The following DCTN6 variants were observed in gnomAD, a reference collection of about 807,000 sequenced individuals.
DCTN6 encodes dynactin subunit 6.
A neutral mutation model predicts 25.8 loss-of-function variants in DCTN6; 15 were observed. That is an observed-to-expected ratio of 0.58 (90% CI 0.39 to 0.89). DCTN6 has a LOEUF of 0.89. Among genes scored for constraint, DCTN6 ranks in the 40% least tolerant of loss-of-function variants. The pLI, the probability that DCTN6 is intolerant of heterozygous loss-of-function variation, is 0.00. For synonymous variants in DCTN6, 64 were observed against 78.3 expected (o/e 0.82, Z 0.96); for missense variants, 198 against 237.6 (o/e 0.83, Z 1.09).
At position 30,183,122 on chromosome 8, in the gene DCTN6, C is replaced by T. The variant is rs1455786862; in HGVS notation, c.522C>T (p.Tyr174=). The change falls in exon 7 of 7, where the codon TAC becomes TAT. Residue 174 remains tyrosine (Y), a synonymous_variant. Transcript: ENST00000221114. ...LDFLMKILPN[Y]HHLKKTMKGS... ...TCTTGATGAAAATCTTGCCAAATTA[C>T]CACCACCTAAAGAAGACTATGAAAG... The T allele has an allele frequency of 6.8e-6, 11 of 1,613,882 alleles. No individual in the cohort carries two copies. The highest frequency in any genetic ancestry group is 1.6e-4 in the Middle Eastern group (1 of 6,074).
chr8:30,160,673 T>C, intron 1 of DCTN6, among the ~76,000 whole-genome samples: 1 of 152,236 alleles, frequency 6.6e-6, no homozygotes, highest in African/African-American at 2.4e-5. Flanking sequence ...ATTATTTACA[T>C]AGCATTTACA....
intron 2 of DCTN6, 141 bp from the exon 3 acceptor site, chr8:30,174,944 C>T: frequency 1.4e-6 from 1 of 693,014 alleles, no homozygotes; most frequent in Admixed American, 2.7e-5. Flanking sequence ...GAGATAGTAT[C>T]TGTGAAGTAC....
chr8:30,175,943 A>G (rs137967778), intron 3 of DCTN6, among the ~76,000 whole-genome samples: 88 of 152,338 alleles, frequency 5.8e-4, no homozygotes, highest in African/African-American at 2.0e-3. Context: ...GTGTAAGTCA[A>G]TTAACAGCAA....
intron 2 of DCTN6, among the ~76,000 whole-genome samples, chr8:30,172,537 A>G (rs529885326): frequency 4.0e-4 from 60 of 151,726 alleles, no homozygotes; most frequent in African/African-American, 1.3e-3. Context: ...GGCACCTTCC[A>G]CCTTCCAGGT....
intron 1 of DCTN6, among the ~76,000 whole-genome samples, chr8:30,161,409 C>T (rs377010782): frequency 6.6e-6 from 1 of 152,124 alleles, no homozygotes; most frequent in Admixed American, 6.5e-5. Flanking sequence ...CTCCCTGACC[C>T]CCCCCACCAC....
intron 4 of DCTN6, 53 bp downstream of exon 4, chr8:30,177,267 T>C: frequency 7.0e-7 from 1 of 1,426,108 alleles, no homozygotes; most frequent in Non-Finnish European, 9.8e-7. Context: ...CTTTAGTACC[T>C]AAGTCTTCTC....
chr8:30,182,652 T>G (rs1260986312), intron 6 of DCTN6, among the ~76,000 whole-genome samples: 1 of 150,894 alleles, frequency 6.6e-6, no homozygotes, highest in African/African-American at 2.4e-5. Flanking sequence ...GAAAAGCACC[T>G]GTAATTCCAC....
chr8:30,165,474 T>G (rs908982577), intron 2 of DCTN6, among the ~76,000 whole-genome samples: 3 of 151,856 alleles, frequency 2.0e-5, no homozygotes, highest in South Asian at 2.1e-4. Context: ...CGTCATTTTT[T>G]TTTTCCAAAA....
intron 1 of DCTN6, among the ~76,000 whole-genome samples, chr8:30,158,214 C>A (rs1454465711): frequency 6.6e-6 from 1 of 152,094 alleles, no homozygotes; most frequent in Non-Finnish European, 1.5e-5. Flanking sequence ...CTCAGTTGCC[C>A]AGGACAAGTT....
At chr8:30,182,614 AC>A (rs1202038611) in intron 6 of DCTN6, among the ~76,000 whole-genome samples, 3 of 151,390 alleles carry the variant, frequency 2.0e-5, no homozygotes, top group East Asian at 1.9e-4. Flanking sequence ...AAAAAAAAAA[AC>A]AAGCATGTAA....
intron 2 of DCTN6, among the ~76,000 whole-genome samples, chr8:30,169,027 C>T (rs1257019530): frequency 6.6e-6 from 1 of 152,166 alleles, no homozygotes; most frequent in Non-Finnish European, 1.5e-5. Context: ...GGCGAGAGGC[C>T]GGGACAGAAC....
intron 3 of DCTN6, among the ~76,000 whole-genome samples, chr8:30,176,336 T>C (rs1374138317): frequency 6.6e-6 from 1 of 151,880 alleles, no homozygotes; most frequent in Non-Finnish European, 1.5e-5. Context: ...AAGACCAGCC[T>C]GACCAATATG....
At chr8:30,181,659 G>A (rs148491725) in intron 6 of DCTN6, among the ~76,000 whole-genome samples, 16 of 152,074 alleles carry the variant, frequency 1.1e-4, no homozygotes, top group Admixed American at 8.5e-4. Flanking sequence ...CAAGGCGGGC[G>A]GATCACTTGA....
In DCTN6 at chr8:30,178,652, A is replaced by AT. The variant is rs970615555; in HGVS notation, c.284-746dup. ...GTCATTTAAAGTTATGTTTTTAAAG[A>AT]TTTTTTTTTTATTTTATCTTTTCTG... is the stretch of plus-strand genomic sequence containing the variant. On this transcript the variant is annotated intron_variant, in intron 4 of 6. Transcript: ENST00000221114. 1.0e-3 allele frequency among the ~76,000 whole-genome samples: 154 copies of AT among 150,126 alleles called. 1 individual carries two copies. The East Asian group carries it at 0.021, about 21-fold the overall frequency.
intron 1 of DCTN6, among the ~76,000 whole-genome samples, chr8:30,162,088 C>CTTTCT (rs1369934853): frequency 8.1e-5 from 12 of 148,656 alleles, no homozygotes; most frequent in Middle Eastern, 4.2e-3. Context: ...ACATTTACAC[C>CTTTCT]TTTCTTTTCT....
intron 1 of DCTN6, among the ~76,000 whole-genome samples, chr8:30,157,695 C>T (rs1803544599): frequency 6.6e-6 from 1 of 151,962 alleles, no homozygotes; most frequent in African/African-American, 2.4e-5. Flanking sequence ...TTGCTGGGGG[C>T]TGTTGGTGGC....
intron 2 of DCTN6, among the ~76,000 whole-genome samples, chr8:30,168,512 T>C (rs989608061): frequency 6.6e-6 from 1 of 152,242 alleles, no homozygotes; most frequent in Non-Finnish European, 1.5e-5. Flanking sequence ...TTAGTTTATC[T>C]GAGTTAAGTA....
chr8:30,162,337 C>T (rs1023862953), intron 1 of DCTN6, among the ~76,000 whole-genome samples: 1 of 148,244 alleles, frequency 6.7e-6, no homozygotes, highest in East Asian at 2.0e-4. Flanking sequence ...GTGATCCACC[C>T]ACCTTGGCCT....
chr8:30,163,434 T>G (rs1311820400), intron 1 of DCTN6, among the ~76,000 whole-genome samples: 1 of 152,090 alleles, frequency 6.6e-6, no homozygotes, highest in Admixed American at 6.5e-5. Context: ...TCCAAAATCT[T>G]GACAAGAGAT....
Sources: gnomAD v4.1 joint callset for allele counts (sites outside exome capture counted in the v4.1 genomes callset) on GRCh38, gnomAD v4.1.1 for gene constraint, MANE v1.5 for transcripts, NCBI Gene and HGNC (gene_info 2026-07-23, HGNC 2026-07-21) for gene names.